HS6ST3: variants seen among roughly 807,000 people sequenced by gnomAD.
HS6ST3 encodes the protein heparan-sulfate 6-O-sulfotransferase 3.
In HS6ST3, 12 loss-of-function variants were observed where a neutral mutation model predicts 36.7. The ratio of observed to expected loss-of-function variants is 0.33; its 90% CI spans 0.21 to 0.53. HS6ST3 has a LOEUF of 0.53. HS6ST3 is among the 20% of genes least tolerant of loss of function. The pLI, the probability that HS6ST3 is intolerant of heterozygous loss-of-function variation, is 0.95. For missense variants in HS6ST3, 584 were observed against 640.9 expected (o/e 0.91, Z 0.96); for synonymous variants, 240 against 257.5 (o/e 0.93, Z 0.65).
Position 96,593,174 on chromosome 13 carries a change from C to CTTTTTTTTTTTTTTTTTTTTTTTTTTTTT in HS6ST3, c.708-239289_708-239288insTTTTTTTTTTTTTTTTTTTTTTTTTTTTT, listed in dbSNP as rs35380296. ...CTCTGACTGTGTATTTTCTTTCTTT[C>CTTTTTTTTTTTTTTTTTTTTTTTTTTTTT]TTTTTTTTTTTTTTTTTTTTTTTTT... On this transcript the variant is annotated intron_variant, in intron 1 of 1. Transcript: ENST00000376705. Among the ~76,000 whole-genome samples the CTTTTTTTTTTTTTTTTTTTTTTTTTTTTT allele has an allele frequency of 1.3e-4, 6 of 46,622 alleles. 2 individuals carry two copies. Among genetic ancestry groups the CTTTTTTTTTTTTTTTTTTTTTTTTTTTTT allele is most frequent in the African/African-American group, 3.7e-4 (4 of 10,694 alleles). The allele number at this position is 46,622 out of a possible 152,430, so 30.6% of individuals were successfully genotyped here. A position where few individuals can be genotyped will look rare whatever the true frequency, so the allele number is the denominator to read the frequency against.
intron 1 of HS6ST3, among the ~76,000 whole-genome samples, chr13:96,428,761 T>G (rs1230803438): frequency 6.6e-6 from 1 of 151,752 alleles, no homozygotes; most frequent in African/African-American, 2.4e-5. Flanking sequence ...GGCAAAAGAT[T>G]TAACCAGGAA....
chr13:96,828,556 A>G (rs1878700431), intron 1 of HS6ST3, among the ~76,000 whole-genome samples: 1 of 152,200 alleles, frequency 6.6e-6, no homozygotes, highest in Admixed American at 6.5e-5. Context: ...CAAGTTCTAT[A>G]ACTTACTACC....
chr13:96,207,340 CTTTTCCTTTTTCTTGTTCA>C (rs1339165316), intron 1 of HS6ST3, among the ~76,000 whole-genome samples: 1 of 151,938 alleles, frequency 6.6e-6, no homozygotes, highest in African/African-American at 2.4e-5. Context: ...AAAAGGAATG[CTTTTCCTTTTTCTTGTTCA>C]TTTTCCTTTT....
At chr13:96,798,693 T>C (rs1877971520) in intron 1 of HS6ST3, among the ~76,000 whole-genome samples, 1 of 152,050 alleles carries the variant, frequency 6.6e-6, no homozygotes, top group Admixed American at 6.6e-5. Flanking sequence ...AGAGTTAGGG[T>C]AAGGATAAAA....
chr13:96,833,851 G>A lies in HS6ST3; in HGVS notation c.*653G>A, dbSNP rs1469014796. ...TCCTGACACCATAACCTTAAGCCATGCCTTTCCTTCCATCTTTTAGGGAAC... is the reference window on the plus strand; with the variant it reads ...TCCTGACACCATAACCTTAAGCCATACCTTTCCTTCCATCTTTTAGGGAAC... On this transcript the variant is annotated 3_prime_UTR_variant, in exon 2 of 2. Transcript: ENST00000376705. The A allele has an allele frequency of 6.6e-6, 1 of 152,208 alleles. No individual in the cohort carries two copies. The highest frequency in any genetic ancestry group is 1.5e-5 in the Non-Finnish European group (1 of 68,054). The allele number at this position is 152,208 out of a possible 1,614,324, so 9.4% of individuals were successfully genotyped here.
intron 1 of HS6ST3, among the ~76,000 whole-genome samples, chr13:96,489,412 T>G (rs953047986): frequency 1.3e-5 from 2 of 149,756 alleles, no homozygotes; most frequent in Admixed American, 6.6e-5. Flanking sequence ...ACATATAGTT[T>G]TTTTCTAAAA....
At chr13:96,497,251 G>A (rs1418702371) in intron 1 of HS6ST3, among the ~76,000 whole-genome samples, 3 of 152,084 alleles carry the variant, frequency 2.0e-5, no homozygotes, top group Non-Finnish European at 4.4e-5. Context: ...GCCGTCTAGT[G>A]GGTATAGGAC....
chr13:96,302,558 G>A (rs1028400064), intron 1 of HS6ST3, among the ~76,000 whole-genome samples: 5 of 152,056 alleles, frequency 3.3e-5, no homozygotes, highest in Admixed American at 2.6e-4. Context: ...GAAAGTGCAT[G>A]TATAATATGA....
chr13:96,574,348 T>TAA, intron 1 of HS6ST3: 1 of 404,832 alleles, frequency 2.5e-6, no homozygotes, highest in Non-Finnish European at 4.8e-6. Context: ...AAGGTAGCTT[T>TAA]AAGGATCCAA....
intron 1 of HS6ST3, among the ~76,000 whole-genome samples, chr13:96,138,216 A>G (rs530378563): frequency 2.6e-4 from 40 of 152,150 alleles, no homozygotes; most frequent in Non-Finnish European, 4.4e-4. Context: ...ATAGCTTTAC[A>G]TGTTCAAAGT....
intron 1 of HS6ST3, among the ~76,000 whole-genome samples, chr13:96,244,304 C>A (rs1043553587): frequency 6.6e-6 from 1 of 152,092 alleles, no homozygotes; most frequent in African/African-American, 2.4e-5. Flanking sequence ...AGAAGGTTGA[C>A]AAAGCGATCA....
chr13:96,394,897 T>C (rs2055413326), intron 1 of HS6ST3, among the ~76,000 whole-genome samples: 1 of 152,360 alleles, frequency 6.6e-6, no homozygotes, highest in South Asian at 2.1e-4. Flanking sequence ...TTTTGTGTAC[T>C]GTGTGAAACT....
chr13:96,378,792 C>T (rs541482467), intron 1 of HS6ST3, among the ~76,000 whole-genome samples: 1 of 152,254 alleles, frequency 6.6e-6, no homozygotes, highest in Non-Finnish European at 1.5e-5. Flanking sequence ...CATACCTCTA[C>T]CTATAAAGCG....
At position 96,229,324 on chromosome 13, in the gene HS6ST3, G is replaced by A. The variant is rs537188601; in HGVS notation, c.707+137755G>A. ...CTTCTGTGAGTTAAGAATTAGACTG[G>A]TGCATTAGTCAGGTCAGGCTGCTAT... On this transcript the variant is annotated intron_variant, in intron 1 of 1. Transcript: ENST00000376705. Among the ~76,000 whole-genome samples, 7 of 152,184 alleles carry A rather than the reference G, an allele frequency of 4.6e-5. 1 individual carries two copies. The highest frequency in any genetic ancestry group is 1.7e-4 in the African/African-American group (7 of 41,532).
At chr13:96,698,762 A>G (rs924283213) in intron 1 of HS6ST3, among the ~76,000 whole-genome samples, 6 of 152,180 alleles carry the variant, frequency 3.9e-5, no homozygotes, top group Non-Finnish European at 8.8e-5. Context: ...ACTAGTTCAT[A>G]TGGAACCAAA....
intron 1 of HS6ST3, among the ~76,000 whole-genome samples, chr13:96,741,696 G>C (rs1419652011): frequency 6.6e-6 from 1 of 152,180 alleles, no homozygotes; most frequent in Non-Finnish European, 1.5e-5. Flanking sequence ...CCTAAGGTTT[G>C]AGAATTGGAA....
chr13:96,796,563 G>T (rs1345209143), intron 1 of HS6ST3, among the ~76,000 whole-genome samples: 1 of 152,114 alleles, frequency 6.6e-6, no homozygotes, highest in East Asian at 1.9e-4. Context: ...ACAGTGAAAA[G>T]ACATGGGCTT....
intron 1 of HS6ST3, among the ~76,000 whole-genome samples, chr13:96,385,006 C>G (rs1261756123): frequency 6.6e-6 from 1 of 151,740 alleles, no homozygotes; most frequent in East Asian, 1.9e-4. Flanking sequence ...ATGGAGAAAC[C>G]CCATCTCTAC....
At chr13:96,620,559 G>A (rs1305329633) in intron 1 of HS6ST3, among the ~76,000 whole-genome samples, 1 of 152,110 alleles carries the variant, frequency 6.6e-6, no homozygotes, top group Non-Finnish European at 1.5e-5. Context: ...AAGCCAAGAG[G>A]ACAAATGGGA....
Sources: gnomAD v4.1 joint callset for allele counts (sites outside exome capture counted in the v4.1 genomes callset) on GRCh38, gnomAD v4.1.1 for gene constraint, MANE v1.5 for transcripts, NCBI Gene and HGNC (gene_info 2026-07-23, HGNC 2026-07-21) for gene names.